Variants in GAS7 observed in about 807,000 individuals in gnomAD.
The protein encoded by GAS7 is growth arrest specific 7, also known as growth arrest-specific protein 7.
Under a neutral mutation model 71.1 loss-of-function variants are expected in GAS7, and 28 were observed. The observed-to-expected ratio is 0.39, with a 90% confidence interval of 0.29 to 0.54. The LOEUF (loss-of-function observed/expected upper bound fraction) is 0.54, where lower values mean the gene tolerates loss of function less well. Ranked by LOEUF, GAS7 falls within the 20% of genes least tolerant of loss-of-function variation. The pLI, the probability that GAS7 is intolerant of heterozygous loss-of-function variation, is 0.62. For missense variants in GAS7, 436 were observed against 627.8 expected (o/e 0.69, Z 3.27); for synonymous variants, 258 against 245.8 (o/e 1.05, Z -0.46).
At chr17:10,076,524 C>T (rs369915384) in intron 1 of GAS7, among the ~76,000 whole-genome samples, 8 of 151,874 alleles carry the variant, frequency 5.3e-5, no homozygotes, top group African/African-American at 7.3e-5. Flanking sequence ...AAGGAAGAAA[C>T]GGCTGACATA....
At chr17:9,946,638 C>T (rs56365670) in intron 6 of GAS7, among the ~76,000 whole-genome samples, 1 of 152,084 alleles carries the variant, frequency 6.6e-6, no homozygotes. Context: ...AGAAAATGGC[C>T]CCCCGCTTAC....
chr17:10,104,195 T>C (rs2073736229), intron 1 of GAS7, among the ~76,000 whole-genome samples: 1 of 152,182 alleles, frequency 6.6e-6, no homozygotes, highest in Admixed American at 6.5e-5. Context: ...CTCTCCACAA[T>C]GTCACCAGTG....
At chr17:9,985,669 G>A (rs6503277) in intron 2 of GAS7, among the ~76,000 whole-genome samples, 12,330 of 152,254 alleles carry the variant, frequency 0.081, 1,601 homozygotes, top group African/African-American at 0.28. Context: ...TCAGGGAACC[G>A]CCCTTAGCCA....
At chr17:9,931,129 G>A (rs1304649480) in intron 9 of GAS7, among the ~76,000 whole-genome samples, 1 of 152,184 alleles carries the variant, frequency 6.6e-6, no homozygotes, top group African/African-American at 2.4e-5. Flanking sequence ...GAAAAGCTCT[G>A]GGGACCAAGT....
At position 10,165,590 on chromosome 17, in the gene GAS7, G is replaced by A. The variant is rs529690598; in HGVS notation, c.183+32618C>T. Among the ~76,000 whole-genome samples, 5 of 152,334 alleles carry A rather than the reference G, an allele frequency of 3.3e-5. No individual in the cohort carries two copies. In the East Asian group the frequency reaches 7.7e-4, roughly 23 times the overall value. On this transcript the variant is annotated intron_variant, in intron 1 of 13. Transcript: ENST00000432992. ...TGAAAAACATTGGCTTTTGCCAAGAGTGTCTTTAAAAAGTCAAGCCTTTCT... is the reference window on the plus strand; with the variant it reads ...TGAAAAACATTGGCTTTTGCCAAGAATGTCTTTAAAAAGTCAAGCCTTTCT...
At position 9,981,787 on chromosome 17, in the gene GAS7, C is replaced by T. The variant is rs770321254; in HGVS notation, c.385+17G>A. 4.1e-6 allele frequency: 6 copies of T among 1,463,630 alleles called. No homozygotes were observed. The highest frequency in any genetic ancestry group is 1.4e-5 in the African/African-American group (1 of 72,086). 90.7% of individuals were successfully genotyped at this position (1,463,630 alleles called of 1,614,324 possible). A position where few individuals can be genotyped will look rare whatever the true frequency, so the allele number is the denominator to read the frequency against. ...CAGGGCCCTCCCAGTTGCCCCAAAG[C>T]AGACAGCGGACATTACCTGTTGGAG... On this transcript the variant is annotated intron_variant, in intron 3 of 13. Transcript: ENST00000432992. The surrounding 1 kb of genome is among the most constrained non-coding windows in gnomAD (Gnocchi z 4.4).
At chr17:10,029,939 C>A (rs1210736656) in intron 1 of GAS7, among the ~76,000 whole-genome samples, 2 of 151,892 alleles carry the variant, frequency 1.3e-5, no homozygotes, top group Non-Finnish European at 2.9e-5. Flanking sequence ...ATGAGAACAC[C>A]GAGGGAGATG....
intron 3 of GAS7, among the ~76,000 whole-genome samples, chr17:9,972,329 G>A (rs1377286068): frequency 6.6e-6 from 1 of 152,196 alleles, no homozygotes; most frequent in Non-Finnish European, 1.5e-5. Context: ...CTGGCATCAA[G>A]CTATGCCAGG....
At chr17:10,085,695 AAAAAAAAAAAAAAAG>A (rs1334681252) in intron 1 of GAS7, among the ~76,000 whole-genome samples, 1 of 147,120 alleles carries the variant, frequency 6.8e-6, no homozygotes, top group Non-Finnish European at 1.5e-5. Context: ...CCGTCTCAAA[AAAAAAAAAAAAAAAG>A]AAAGAAAGAA....
intron 1 of GAS7, 196 bp from the exon 2 acceptor site, chr17:10,020,093 G>C (rs1182731293): frequency 3.8e-5 from 22 of 579,284 alleles, no homozygotes; most frequent in Middle Eastern, 2.8e-4. Context: ...AGAAGCACCT[G>C]AGCATTCAGA....
chr17:10,065,535 A>G (rs1201698325), intron 1 of GAS7, among the ~76,000 whole-genome samples: 4 of 152,064 alleles, frequency 2.6e-5, no homozygotes, highest in African/African-American at 7.2e-5. Context: ...TACTTCCCCA[A>G]TCATACCCTT....
Position 10,149,259 on chromosome 17 carries a change from T to C in GAS7, c.183+48949A>G, listed in dbSNP as rs190479843. ...CTGGGATTACAGGTGCCCGCCACCA[T>C]GCCCAACTAATTTTTGTATTTTTAG... On this transcript the variant is annotated intron_variant, in intron 1 of 13. Coordinates refer to ENST00000432992, the MANE Select transcript of GAS7 (RefSeq NM_201433.2). Among the ~76,000 whole-genome samples the C allele has an allele frequency of 1.9e-3, 296 of 152,206 alleles. 2 individuals carry two copies. Among genetic ancestry groups the C allele is most frequent in the African/African-American group, 7.0e-3 (290 of 41,534 alleles).
At chr17:10,038,546 T>G (rs941120553) in intron 1 of GAS7, among the ~76,000 whole-genome samples, 10 of 152,050 alleles carry the variant, frequency 6.6e-5, no homozygotes, top group Non-Finnish European at 1.0e-4. Context: ...AATAGGTATA[T>G]ACCAAAAAGA....
At position 10,103,976 on chromosome 17, in the gene GAS7, G is replaced by A. The variant is rs2073733451; in HGVS notation, c.184-84079C>T. Among the ~76,000 whole-genome samples, 1 of 151,944 alleles carries A rather than the reference G, an allele frequency of 6.6e-6. No homozygotes were observed. The highest frequency in any genetic ancestry group is 2.1e-4 in the South Asian group (1 of 4,822). On this transcript the variant is annotated intron_variant, in intron 1 of 13. Transcript: ENST00000432992. The surrounding 1 kb of genome is among the most constrained non-coding windows in gnomAD (Gnocchi z 5.5). ...CACAACAGTAACTCCTCCTACCAAA[G>A]GCAACTTACCTGCTTTCTACCGATC...
chr17:10,039,680 C>T, intron 1 of GAS7: 3 of 451,558 alleles, frequency 6.6e-6, no homozygotes, highest in South Asian at 1.6e-5. Context: ...GAGACCCTGT[C>T]TCAAAAATAA....
intron 1 of GAS7, among the ~76,000 whole-genome samples, chr17:10,086,432 C>G (rs1314406031): frequency 6.6e-6 from 1 of 152,212 alleles, no homozygotes; most frequent in Non-Finnish European, 1.5e-5. Flanking sequence ...CCTTCATTTT[C>G]ACCCGGCATT....
At chr17:10,189,985 T>C (rs2074485559) in intron 1 of GAS7, among the ~76,000 whole-genome samples, 1 of 152,012 alleles carries the variant, frequency 6.6e-6, no homozygotes, top group Admixed American at 6.6e-5. Flanking sequence ...AGAATAATAC[T>C]TCACGGCCCA....
At chr17:9,963,104 C>T (rs2069566928) in intron 4 of GAS7, among the ~76,000 whole-genome samples, 1 of 150,320 alleles carries the variant, frequency 6.7e-6, no homozygotes, top group Non-Finnish European at 1.5e-5. Flanking sequence ...CAGGCAACAA[C>T]TTGGATGAAA....
In GAS7 at chr17:10,035,452, C is replaced by T. The variant is rs368183788; in HGVS notation, c.184-15555G>A. Among the ~76,000 whole-genome samples the T allele has an allele frequency of 2.9e-4, 44 of 152,332 alleles. 3 individuals are homozygous for T. The South Asian group carries it at 8.7e-3, about 30-fold the overall frequency. On this transcript the variant is annotated intron_variant, in intron 1 of 13. Transcript: ENST00000432992. ...AACCTTTGAGAAGCACTGCTGTGGA[C>T]GGTCCTAGGTCAACTAACCCGTTAG...
Sources: allele counts gnomAD v4.1 joint callset (sites outside exome capture counted in the v4.1 genomes callset), GRCh38; gene constraint gnomAD v4.1.1; non-coding constraint Gnocchi (gnomAD v3.1); transcripts MANE v1.5; gene names NCBI Gene and HGNC (gene_info 2026-07-23, HGNC 2026-07-21).